The following RBFOX1 variants were observed in gnomAD, a reference collection of about 807,000 sequenced individuals.
RBFOX1 encodes the protein RNA binding fox-1 homolog 1, also known as RNA binding protein fox-1 homolog 1.
In RBFOX1, 8 loss-of-function variants were observed where a neutral mutation model predicts 57.7. That is an observed-to-expected ratio of 0.14 (90% CI 0.08 to 0.25). The LOEUF (loss-of-function observed/expected upper bound fraction) is 0.25, where lower values mean the gene tolerates loss of function less well. RBFOX1 is among the 10% of genes least tolerant of loss of function. The probability of loss-of-function intolerance (pLI) is 1.00; values close to 1 mark genes in which losing one functional copy is unlikely to be tolerated. For synonymous variants in RBFOX1, 326 were observed against 222.4 expected (o/e 1.47, Z -4.15); for missense variants, 611 against 548.5 (o/e 1.11, Z -1.14).
intron 4 of RBFOX1, among the ~76,000 whole-genome samples, chr16:7,511,451 A>G (rs1395306709): frequency 3.3e-5 from 5 of 152,144 alleles, no homozygotes; most frequent in African/African-American, 1.2e-4. Context: ...AGGGTTCAGG[A>G]TATTTCAGGG....
intron 4 of RBFOX1, among the ~76,000 whole-genome samples, chr16:5,975,476 G>C (rs1285818970): frequency 2.0e-5 from 3 of 152,190 alleles, no homozygotes; most frequent in African/African-American, 7.2e-5. Flanking sequence ...ATAAAGTTGG[G>C]TTGTATACTT....
intron 14 of RBFOX1, among the ~76,000 whole-genome samples, chr16:7,684,948 G>A (rs185833480): frequency 6.6e-6 from 1 of 152,026 alleles, no homozygotes; most frequent in East Asian, 1.9e-4. Flanking sequence ...GGGGGAAAAG[G>A]AGGATTAACT....
chr16:6,040,572 C>CTT (rs201919130), intron 1 of RBFOX1, among the ~76,000 whole-genome samples: 11 of 150,762 alleles, frequency 7.3e-5, no homozygotes, highest in East Asian at 1.9e-4. Context: ...TTCTTTCTTT[C>CTT]TCTCTCTCTC....
At chr16:5,823,022 G>T (rs1344520757) in intron 3 of RBFOX1, among the ~76,000 whole-genome samples, 1 of 152,166 alleles carries the variant, frequency 6.6e-6, no homozygotes, top group Admixed American at 6.5e-5. Context: ...TAGATCTCAA[G>T]GACTTATTCA....
chr16:7,071,854 C>T (rs1259544875), intron 4 of RBFOX1, among the ~76,000 whole-genome samples: 1 of 152,074 alleles, frequency 6.6e-6, no homozygotes, highest in African/African-American at 2.4e-5. Flanking sequence ...CCTCCCTTAT[C>T]ATGTCTTTTT....
At chr16:5,405,242 C>A (rs909979740) in intron 1 of RBFOX1, among the ~76,000 whole-genome samples, 1 of 152,152 alleles carries the variant, frequency 6.6e-6, no homozygotes, top group Non-Finnish European at 1.5e-5. Flanking sequence ...TGTACCCCCA[C>A]CCCCAAATAT....
chr16:7,238,949 A>G lies in RBFOX1; in HGVS notation c.27+186851A>G, dbSNP rs571649751. Among the ~76,000 whole-genome samples the G allele has an allele frequency of 3.3e-5, 5 of 152,248 alleles. No individual in the cohort carries two copies. In the South Asian group the frequency reaches 6.2e-4, roughly 19 times the overall value. ...AGAATGAGAGCCTCCAGTTTCATCC[A>G]TGTTCCTGCAAAGGACATGATCTTG... On this transcript the variant is annotated intron_variant, in intron 4 of 15. Transcript: ENST00000550418.
intron 3 of RBFOX1, among the ~76,000 whole-genome samples, chr16:5,692,780 G>A (rs1414961068): frequency 6.6e-6 from 1 of 152,048 alleles, no homozygotes; most frequent in African/African-American, 2.4e-5. Context: ...CACCGAACAA[G>A]AAAACGCACA....
intron 14 of RBFOX1, among the ~76,000 whole-genome samples, chr16:7,688,400 G>C (rs4408561): frequency 0.54 from 81,331 of 151,656 alleles, 21,839 homozygotes; most frequent in Middle Eastern, 0.6. Context: ...TGAGAAGTGA[G>C]CAGAATCTTT....
chr16:6,591,537 C>T (rs1015331816), intron 2 of RBFOX1, among the ~76,000 whole-genome samples: 2 of 152,244 alleles, frequency 1.3e-5, no homozygotes, highest in Non-Finnish European at 2.9e-5. Context: ...CGACCCCTGC[C>T]TGAGTTCCTG....
intron 5 of RBFOX1, among the ~76,000 whole-genome samples, chr16:7,534,290 A>T (rs965527761): frequency 4.6e-5 from 7 of 151,304 alleles, no homozygotes; most frequent in African/African-American, 1.5e-4. Flanking sequence ...ATGGGGTTTC[A>T]CCATGTTAGC....
intron 2 of RBFOX1, among the ~76,000 whole-genome samples, chr16:6,575,758 G>T (rs1333059180): frequency 6.6e-6 from 1 of 151,714 alleles, no homozygotes; most frequent in Non-Finnish European, 1.5e-5. Flanking sequence ...TCGGGAGGCT[G>T]AGGCAGGAGA....
At chr16:6,930,649 A>T (rs2076352790) in intron 3 of RBFOX1, among the ~76,000 whole-genome samples, 1 of 152,058 alleles carries the variant, frequency 6.6e-6, no homozygotes, top group African/African-American at 2.4e-5. Context: ...ACCTTAGGTG[A>T]TCCGCCTGCC....
intron 3 of RBFOX1, among the ~76,000 whole-genome samples, chr16:5,701,439 C>G (rs2051043960): frequency 6.6e-6 from 1 of 151,762 alleles, no homozygotes. Flanking sequence ...GTAGAGATCA[C>G]AGAGCTCCAC....
intron 4 of RBFOX1, among the ~76,000 whole-genome samples, chr16:7,246,055 C>G (rs142447347): frequency 8.5e-5 from 13 of 152,272 alleles, no homozygotes; most frequent in African/African-American, 2.9e-4. Flanking sequence ...ATGATTAATT[C>G]CACAACTGTT....
chr16:7,109,148 C>G (rs1471165038), intron 4 of RBFOX1, among the ~76,000 whole-genome samples: 2 of 152,094 alleles, frequency 1.3e-5, no homozygotes, highest in African/African-American at 4.8e-5. Flanking sequence ...GGTGAATGTA[C>G]TGGATTTTCA....
intron 2 of RBFOX1, among the ~76,000 whole-genome samples, chr16:6,550,138 C>T (rs1213200285): frequency 6.6e-6 from 1 of 151,998 alleles, no homozygotes; most frequent in African/African-American, 2.4e-5. Context: ...CCTCTCCCTC[C>T]CCTCTCTCTA....
chr16:5,453,625 T>C (rs995032889), intron 1 of RBFOX1, among the ~76,000 whole-genome samples: 2 of 152,126 alleles, frequency 1.3e-5, no homozygotes, highest in Admixed American at 6.6e-5. Flanking sequence ...GGCAGAGCTC[T>C]TAGAATCCCT....
At chr16:6,512,283 C>CAAAAAAAAAAAAAA (rs565248640) in intron 2 of RBFOX1, among the ~76,000 whole-genome samples, 974 of 86,666 alleles carry the variant, frequency 0.011, 63 homozygotes, top group African/African-American at 0.047. Flanking sequence ...GACCCTGTAT[C>CAAAAAAAAAAAAAA]AAAAAAAAAA....
Sources: allele counts gnomAD v4.1 joint callset (sites outside exome capture counted in the v4.1 genomes callset), GRCh38; gene constraint gnomAD v4.1.1; transcripts MANE v1.5; gene names NCBI Gene and HGNC (gene_info 2026-07-23, HGNC 2026-07-21).